Variants in CTSO observed in about 807,000 individuals in gnomAD.
The protein encoded by CTSO is cathepsin O.
Under a neutral mutation model 42.4 loss-of-function variants are expected in CTSO, and 40 were observed. The observed-to-expected ratio is 0.94, with a 90% confidence interval of 0.73 to 1.23. CTSO has a LOEUF of 1.23. Among genes scored for constraint, CTSO ranks in the 50% most tolerant of loss-of-function variants. The pLI is 0.00. For synonymous variants in CTSO, 156 were observed against 146.2 expected, an observed-to-expected ratio of 1.07 and a Z score of -0.48; for missense variants, 441 against 396.0, an observed-to-expected ratio of 1.11 and a Z score of -0.96.
intron 6 of CTSO, 152 bp downstream of exon 6, chr4:155,929,390 C>A (rs949467738): frequency 1.1e-5 from 8 of 709,656 alleles, no homozygotes; most frequent in Middle Eastern, 3.5e-4. Context: ...GGTCTCGGCA[C>A]ATTTACTCCT....
chr4:155,925,982 A>C lies in CTSO; in HGVS notation c.*54T>G, dbSNP rs1743122124. On this transcript the variant is annotated 3_prime_UTR_variant, in exon 8 of 8. Coordinates refer to ENST00000433477, the MANE Select transcript of CTSO (RefSeq NM_001334.3). ...ATAATACTTTGAAGTACTATGTTAC[A>C]TTGCATTATGAAAACCTTCATTTTT... 14 of 1,466,838 alleles carry C rather than the reference A, an allele frequency of 9.5e-6. No homozygotes were observed. Among genetic ancestry groups the C allele is most frequent in the Non-Finnish European group, 1.3e-5 (14 of 1,054,650 alleles). The allele number at this position is 1,466,838 out of a possible 1,614,324, so 90.9% of individuals were successfully genotyped here. A position where few individuals can be genotyped will look rare whatever the true frequency, so the allele number is the denominator to read the frequency against.
chr4:155,950,855 C>CTG (rs1560792087), intron 1 of CTSO, among the ~76,000 whole-genome samples: 47 of 151,286 alleles, frequency 3.1e-4, no homozygotes, highest in African/African-American at 9.7e-4. Flanking sequence ...TCACCCCACC[C>CTG]CCACACCCCA....
intron 5 of CTSO, among the ~76,000 whole-genome samples, 193 bp from the exon 6 acceptor site, chr4:155,929,898 T>G (rs958300080): frequency 6.6e-6 from 1 of 152,220 alleles, no homozygotes; most frequent in African/African-American, 2.4e-5. Context: ...ACCCAAGCTC[T>G]TTCTCTATCA....
chr4:155,933,735 A>G (rs1743279351), intron 5 of CTSO, among the ~76,000 whole-genome samples: 1 of 152,210 alleles, frequency 6.6e-6, no homozygotes, highest in South Asian at 2.1e-4. Context: ...CCAGACTGGC[A>G]GCATTTTGCC....
chr4:155,930,324 G>A (rs555001154), intron 5 of CTSO, among the ~76,000 whole-genome samples: 1 of 152,190 alleles, frequency 6.6e-6, no homozygotes, highest in Non-Finnish European at 1.5e-5. Context: ...CTACTCAAAA[G>A]TGGCTAATAT....
chr4:155,937,617 T>C (rs1743352779), intron 4 of CTSO, 134 bp from the exon 5 acceptor site: 5 of 852,300 alleles, frequency 5.9e-6, no homozygotes, highest in Admixed American at 5.7e-5. Flanking sequence ...TTCTTTTTTT[T>C]TTCTTTTTCT....
At chr4:155,935,506 C>T (rs116685775) in intron 5 of CTSO, among the ~76,000 whole-genome samples, 13 of 152,160 alleles carry the variant, frequency 8.5e-5, no homozygotes, top group South Asian at 8.3e-4. Context: ...GTTAAGTCCA[C>T]GCACTTCTCC....
chr4:155,950,731 A>G (rs1743658222), intron 1 of CTSO, among the ~76,000 whole-genome samples: 2 of 151,820 alleles, frequency 1.3e-5, no homozygotes, highest in African/African-American at 4.8e-5. Context: ...TAGGAGCACA[A>G]ACCCTACTGG....
At chr4:155,945,188 C>A (rs148572282) in intron 1 of CTSO, among the ~76,000 whole-genome samples, 3 of 151,778 alleles carry the variant, frequency 2.0e-5, no homozygotes, top group Admixed American at 6.6e-5. Context: ...ACCTGGAAGG[C>A]GGAGGTTGCA....
chr4:155,933,417 G>A (rs1430974112), intron 5 of CTSO, among the ~76,000 whole-genome samples: 12 of 152,112 alleles, frequency 7.9e-5, no homozygotes, highest in Admixed American at 7.9e-4. Flanking sequence ...GTCTTTATCA[G>A]CAGCATGAAA....
intron 1 of CTSO, among the ~76,000 whole-genome samples, chr4:155,948,838 A>G (rs934165384): frequency 1.3e-5 from 2 of 152,198 alleles, no homozygotes; most frequent in Admixed American, 6.5e-5. Context: ...GTTCAAAACA[A>G]TCAAAGAGTA....
rs778312667 is a variant in CTSO, at chr4:155,942,496, A to G, written c.245-40T>C. On this transcript the variant is annotated intron_variant, in intron 2 of 7. Coordinates refer to ENST00000433477, the MANE Select transcript of CTSO (RefSeq NM_001334.3). The stretch of plus-strand genomic sequence containing the variant: ...AAAATGAAAATACAACCAATATTAT[A>G]TTACAATATATTATATTATATATAT... 5 of 971,678 alleles carry G rather than the reference A, an allele frequency of 5.1e-6. No individual in the cohort carries two copies. In the South Asian group the frequency reaches 1.1e-4, roughly 21 times the overall value. The allele number at this position is 971,678 out of a possible 1,614,324, so 60.2% of individuals were successfully genotyped here. A position where few individuals can be genotyped will look rare whatever the true frequency, so the allele number is the denominator to read the frequency against.
chr4:155,935,199 G>A (rs569197764), intron 5 of CTSO, among the ~76,000 whole-genome samples: 58 of 152,250 alleles, frequency 3.8e-4, no homozygotes, highest in Admixed American at 3.7e-3. Context: ...CTGCCGCCAC[G>A]TAAGTAGTGC....
At chr4:155,934,043 C>T (rs987321862) in intron 5 of CTSO, among the ~76,000 whole-genome samples, 1 of 152,182 alleles carries the variant, frequency 6.6e-6, no homozygotes, top group Non-Finnish European at 1.5e-5. Context: ...CAGGTTATGT[C>T]AGACACCTTC....
In CTSO at chr4:155,949,920, G is replaced by A. The variant is rs566469627; in HGVS notation, c.135+3793C>T. Among the ~76,000 whole-genome samples, 634 of 152,212 alleles carry A rather than the reference G, an allele frequency of 4.2e-3. 4 individuals are homozygous for A. Among genetic ancestry groups the A allele is most frequent in the Non-Finnish European group, 6.5e-3 (440 of 68,020 alleles). ...CTACTCACCCTACAATGAAGAGGAA[G>A]GTCCCCCACAACAAATCACTATCCA... On this transcript the variant is annotated intron_variant, in intron 1 of 7. Coordinates refer to ENST00000433477, the MANE Select transcript of CTSO (RefSeq NM_001334.3).
chr4:155,931,327 CT>C (rs1743230285), intron 5 of CTSO, among the ~76,000 whole-genome samples: 1 of 152,114 alleles, frequency 6.6e-6, no homozygotes. Flanking sequence ...GGAAGTTCAT[CT>C]CATCAAAGAT....
intron 6 of CTSO, among the ~76,000 whole-genome samples, chr4:155,928,790 G>A (rs193053143): frequency 1.3e-5 from 2 of 152,198 alleles, no homozygotes; most frequent in East Asian, 1.9e-4. Context: ...AAATGTTCCC[G>A]ATACAGTTTT....
chr4:155,943,325 T>G, intron 1 of CTSO, 61 bp from the exon 2 acceptor site: 2 of 973,898 alleles, frequency 2.1e-6, no homozygotes, highest in Non-Finnish European at 3.2e-6. Context: ...GTAAACTGTG[T>G]ATAACTAACT....
chr4:155,939,099 C>T (rs75306908), intron 4 of CTSO, among the ~76,000 whole-genome samples: 10,338 of 152,110 alleles, frequency 0.068, 498 homozygotes, highest in South Asian at 0.17. Flanking sequence ...TGCAAAAAAG[C>T]ATGTATATAT....
Sources: gnomAD v4.1 joint callset for allele counts (sites outside exome capture counted in the v4.1 genomes callset) on GRCh38, gnomAD v4.1.1 for gene constraint, MANE v1.5 for transcripts, NCBI Gene and HGNC (gene_info 2026-07-23, HGNC 2026-07-21) for gene names.